The following AP2A2 variants were observed in gnomAD, a reference collection of about 807,000 sequenced individuals.
The protein encoded by AP2A2 is AP-2 complex subunit alpha-2.
A neutral mutation model predicts 104.2 loss-of-function variants in AP2A2; 32 were observed. The ratio of observed to expected loss-of-function variants is 0.31; its 90% CI spans 0.23 to 0.41. The LOEUF (loss-of-function observed/expected upper bound fraction) is 0.41. Among genes scored for constraint, AP2A2 ranks in the 10% least tolerant of loss-of-function variants. The pLI is 1.00. For synonymous variants in AP2A2, 539 were observed against 533.3 expected, an observed-to-expected ratio of 1.01 and a Z score of -0.15; for missense variants, 912 against 1,261.0, an observed-to-expected ratio of 0.72 and a Z score of 4.19.
chr11:945,038 G>A (rs972414901), intron 1 of AP2A2, among the ~76,000 whole-genome samples: 5 of 152,078 alleles, frequency 3.3e-5, no homozygotes, highest in African/African-American at 7.2e-5. Context: ...GAACAGCTTC[G>A]GAGAGGTCAG....
chr11:974,258 G>A (rs1015235961), intron 4 of AP2A2, among the ~76,000 whole-genome samples: 8 of 152,290 alleles, frequency 5.3e-5, no homozygotes, highest in Non-Finnish European at 5.9e-5. Flanking sequence ...TGGTGCCTGA[G>A]TGGTCCCATG....
chr11:994,316 A>G, intron 14 of AP2A2, 71 bp downstream of exon 14: 2 of 1,570,904 alleles, frequency 1.3e-6, no homozygotes, highest in Non-Finnish European at 1.7e-6. Flanking sequence ...CCAGCAGAGC[A>G]TTTGCCTGTC....
At chr11:951,428 G>A (rs1284201603) in intron 1 of AP2A2, among the ~76,000 whole-genome samples, 2 of 152,078 alleles carry the variant, frequency 1.3e-5, no homozygotes, top group Admixed American at 1.3e-4. Context: ...TTGGGAGGCT[G>A]AGGCAGGAGA....
chr11:926,765 C>T (rs1172135814), intron 1 of AP2A2, among the ~76,000 whole-genome samples: 1 of 152,180 alleles, frequency 6.6e-6, no homozygotes, highest in Non-Finnish European at 1.5e-5. Context: ...TGTGGGATGG[C>T]CTCGCTGCCT....
At chr11:928,736 G>A (rs1018085809) in intron 1 of AP2A2, among the ~76,000 whole-genome samples, 2 of 152,238 alleles carry the variant, frequency 1.3e-5, no homozygotes, top group African/African-American at 4.8e-5. Context: ...CGTAGAAGAA[G>A]GGGTGCTTAG....
rs747354480 is a variant in AP2A2, at chr11:1,011,389, G to A, written c.*764G>A. 33 of 516,252 alleles carry A rather than the reference G, an allele frequency of 6.4e-5. No individual in the cohort carries two copies. Among genetic ancestry groups the A allele is most frequent in the African/African-American group, 6.2e-4 (32 of 51,806 alleles). 32.0% of individuals were successfully genotyped at this position (516,252 alleles called of 1,614,324 possible). A position where few individuals can be genotyped will look rare whatever the true frequency, so the allele number is the denominator to read the frequency against. ...CCGGTGGCGCAAGACTCAGAGGTGT[G>A]CTCGTCTCTTTCCTGTCAGAGTGGG... is the stretch of plus-strand genomic sequence containing the variant. On this transcript the variant is annotated 3_prime_UTR_variant, in exon 22 of 22. Coordinates refer to ENST00000448903, the MANE Select transcript of AP2A2 (RefSeq NM_012305.4).
chr11:986,856 G>A lies in AP2A2; in HGVS notation c.1034G>A (p.Arg345His), dbSNP rs1156913047. The change falls in exon 9 of 22, where the codon CGC becomes CAC. Residue 345 changes from arginine to histidine, a missense_variant. Coordinates refer to ENST00000448903, the MANE Select transcript of AP2A2 (RefSeq NM_012305.4). Reference protein sequence around the residue: ...QFLQHRETNLRYLALESMCTL... With the variant: ...QFLQHRETNLHYLALESMCTL... ...CTGCAGCACCGCGAGACCAACCTGC[G>A]CTACCTGGCCCTGGAGAGCATGTGC... 5 of 1,612,070 alleles carry A rather than the reference G, an allele frequency of 3.1e-6. No individual in the cohort carries two copies. Among genetic ancestry groups the A allele is most frequent in the Admixed American group, 1.7e-5 (1 of 59,792 alleles).
At chr11:1,010,103 G>GT in intron 21 of AP2A2, 1 of 484,602 alleles carries the variant, frequency 2.1e-6, no homozygotes, top group Non-Finnish European at 3.7e-6. Context: ...GCTGGCCACC[G>GT]TGGAGCATCG....
rs1855693940 is a variant in AP2A2 at position 992,526 on chromosome 11, T to C, written c.1293T>C (p.Ala431=). 1 of 1,603,816 alleles carries C rather than the reference T, an allele frequency of 6.2e-7. No individual in the cohort carries two copies. Residue 431 remains alanine, a synonymous_variant, in exon 11 of 22, where the codon GCT becomes GCC. Coordinates refer to ENST00000448903, the MANE Select transcript of AP2A2 (RefSeq NM_012305.4). This position sits in a 1 kb window ranked among gnomAD's most constrained non-coding sequence, Gnocchi z 6.4. ...EEIVLKVAIL[A]EKYAVDYTWY... ...AGGTGCTGAAGGTCGCCATCCTGGC[T>C]GAGAAGTACGCGGTGGACTACACCT... is the stretch of plus-strand genomic sequence containing the variant.
rs1855749810 is a variant in AP2A2, at chr11:993,856, C to T, written c.1653C>T (p.Phe551=). ...CCTACATCAAGTTCGTGAACCTCTT[C>T]CCGGAGGTGAAGCCCACCATCCAGG... ...LSTYIKFVNL[F]PEVKPTIQDV... Residue 551 remains phenylalanine, a synonymous_variant, in exon 13 of 22, where the codon TTC becomes TTT. Coordinates refer to ENST00000448903, the MANE Select transcript of AP2A2 (RefSeq NM_012305.4). This position sits in a 1 kb window ranked among gnomAD's most constrained non-coding sequence, Gnocchi z 8.2. 1.2e-6 allele frequency: 2 copies of T among 1,609,700 alleles called. No homozygotes were observed. The highest frequency in any genetic ancestry group is 1.7e-6 in the Non-Finnish European group (2 of 1,179,674).
Position 1,011,653 on chromosome 11 carries a change from T to C in AP2A2, c.*1028T>C, listed in dbSNP as rs1453100332. 5 of 366,652 alleles carry C rather than the reference T, an allele frequency of 1.4e-5. No individual in the cohort carries two copies. The highest frequency in any genetic ancestry group is 8.0e-5 in the South Asian group (4 of 50,152). 22.7% of individuals were successfully genotyped at this position (366,652 alleles called of 1,614,324 possible). A position where few individuals can be genotyped will look rare whatever the true frequency, so the allele number is the denominator to read the frequency against. The stretch of plus-strand genomic sequence containing the variant: ...CGGCCTAGGAGCCAAGGCTGGGGCC[T>C]TGCGCTCTGTCCCCAGGATGGTGGC... On this transcript the variant is annotated 3_prime_UTR_variant, in exon 22 of 22. Transcript: ENST00000448903.
chr11:1,009,873 A>G (rs929910206), intron 21 of AP2A2, 56 bp downstream of exon 21: 93 of 1,517,710 alleles, frequency 6.1e-5, no homozygotes, highest in Non-Finnish European at 7.2e-5. Context: ...TTCTGGCACA[A>G]TGTACGTGGT....
At chr11:948,819 A>T (rs1853939359) in intron 1 of AP2A2, among the ~76,000 whole-genome samples, 2 of 150,954 alleles carry the variant, frequency 1.3e-5, no homozygotes. Flanking sequence ...GTGAGCCAAG[A>T]TCGCACCATT....
chr11:933,624 A>G (rs1257671253), intron 1 of AP2A2: 1 of 456,108 alleles, frequency 2.2e-6, no homozygotes, highest in Non-Finnish European at 4.4e-6. Context: ...CCTATTTTAA[A>G]TAGCGCCCTG....
intron 14 of AP2A2, among the ~76,000 whole-genome samples, chr11:995,755 C>T (rs1855834955): frequency 8.0e-6 from 1 of 124,868 alleles, no homozygotes; most frequent in African/African-American, 3.2e-5. Context: ...TCCCTCTCCC[C>T]TCCCTCCACC....
Position 992,734 on chromosome 11 carries a change from A to T in AP2A2, c.1452+49A>T, listed in dbSNP as rs550558375. The stretch of plus-strand genomic sequence containing the variant: ...AGGATGGGGTGGAGGGCAGTTGCAG[A>T]AGGTGAGCAGTGAGTGGTTCCAGCC... On this transcript the variant is annotated intron_variant, in intron 11 of 21. Coordinates refer to ENST00000448903, the MANE Select transcript of AP2A2 (RefSeq NM_012305.4). The surrounding 1 kb of genome is among the most constrained non-coding windows in gnomAD (Gnocchi z 6.4). The T allele has an allele frequency of 1.4e-4, 231 of 1,606,888 alleles. 2 individuals carry two copies. In the South Asian group the frequency reaches 2.3e-3, roughly 16 times the overall value.
At chr11:941,576 C>G (rs936393017) in intron 1 of AP2A2, among the ~76,000 whole-genome samples, 10 of 151,468 alleles carry the variant, frequency 6.6e-5, no homozygotes, top group Non-Finnish European at 1.5e-4. Context: ...GCCACTGTGG[C>G]TGGCTGCTTT....
intron 1 of AP2A2, among the ~76,000 whole-genome samples, chr11:931,366 T>C (rs1379529265): frequency 6.6e-6 from 1 of 152,230 alleles, no homozygotes; most frequent in Non-Finnish European, 1.5e-5. Context: ...AGTGAATGCA[T>C]GTCTTTATGC....
At chr11:934,569 C>T (rs1853391669) in intron 1 of AP2A2, among the ~76,000 whole-genome samples, 1 of 152,172 alleles carries the variant, frequency 6.6e-6, no homozygotes, top group Admixed American at 6.6e-5. Flanking sequence ...TCTTCTCACC[C>T]ACCCTAAGCT....
Sources: gnomAD v4.1 joint callset for allele counts (sites outside exome capture counted in the v4.1 genomes callset) on GRCh38, gnomAD v4.1.1 for gene constraint, Gnocchi (gnomAD v3.1) non-coding constraint, MANE v1.5 for transcripts, NCBI Gene and HGNC (gene_info 2026-07-23, HGNC 2026-07-21) for gene names.